The following OLFML3 variants were observed in gnomAD, a reference collection of about 807,000 sequenced individuals.
The protein encoded by OLFML3 is olfactomedin like 3.
OLFML3 carries 26 observed loss-of-function variants against 36.0 expected under a neutral mutation model. That is an observed-to-expected ratio of 0.72 (90% CI 0.53 to 1.00). The LOEUF (loss-of-function observed/expected upper bound fraction) is 1.00. Among genes scored for constraint, OLFML3 ranks in the 50% least tolerant of loss-of-function variants. OLFML3 has a pLI of 0.00. For missense variants in OLFML3, 503 were observed against 519.4 expected (o/e 0.97, Z 0.31); for synonymous variants, 184 against 201.2 (o/e 0.91, Z 0.72).
Position 113,980,496 on chromosome 1 carries a change from G to T in OLFML3, c.279G>T (p.Glu93Asp). 1 of 1,614,186 alleles carries T rather than the reference G, an allele frequency of 6.2e-7. No homozygotes were observed. Among genetic ancestry groups the T allele is most frequent in the Non-Finnish European group, 8.5e-7 (1 of 1,180,034 alleles). Residue 93 changes from glutamate to aspartate, a missense_variant, in exon 2 of 3, where the codon GAG (glutamate) becomes GAT (aspartate). Physicochemically the swap from Glu to Asp is conservative, Grantham distance 45. Transcript: ENST00000320334. ...GGAGAGTGGATCGTCTGGAGCGGGAGGTAGACTATCTGGAGACCCAGAACC... is the reference window on the plus strand; with the variant it reads ...GGAGAGTGGATCGTCTGGAGCGGGATGTAGACTATCTGGAGACCCAGAACC... ...ISGRVDRLEREVDYLETQNPA... is the reference protein window; with the variant it reads ...ISGRVDRLERDVDYLETQNPA...
At chr1:113,979,934 G>T (rs1558158916) in intron 1 of OLFML3, 3 of 1,428,418 alleles carry the variant, frequency 2.1e-6, no homozygotes, top group Non-Finnish European at 2.8e-6. Flanking sequence ...GTTGAAGTTG[G>T]AGGTTCCCGG....
rs565431025 is a variant in OLFML3, at chr1:113,979,940, C to T, written c.114+310C>T. On this transcript the variant is annotated intron_variant, in intron 1 of 2. Coordinates refer to ENST00000320334, the MANE Select transcript of OLFML3 (RefSeq NM_020190.5). ...GATGATTCTGTTGAAGTTGGAGGTT[C>T]CCGGGGAATCTATAACTTCCTGTCT... The T allele has an allele frequency of 1.0e-4, 146 of 1,427,646 alleles. 2 individuals carry two copies. The South Asian group carries it at 2.1e-3, about 21-fold the overall frequency. The allele number at this position is 1,427,646 out of a possible 1,614,324, so 88.4% of individuals were successfully genotyped here.
Position 113,981,254 on chromosome 1 carries a change from G to A in OLFML3, c.706G>A (p.Glu236Lys). ...AAGACCTGGTGGAGGTGGTGAGATG[G>A]AGAACACTTTGCAGCTAATCAAATT... ...PGRPGGGGEM[E>K]NTLQLIKFHL... Residue 236 changes from glutamate (E) to lysine (K), a missense_variant, in exon 3 of 3, where the codon GAG becomes AAG. Glu to Lys is a moderately conservative substitution (Grantham distance 56). Transcript: ENST00000320334. 1 of 1,612,898 alleles carries A rather than the reference G, an allele frequency of 6.2e-7. No individual in the cohort carries two copies. The highest frequency in any genetic ancestry group is 1.1e-5 in the South Asian group (1 of 90,870).
Position 113,980,457 on chromosome 1 carries a change from C to T in OLFML3, c.240C>T (p.Ala80=), listed in dbSNP as rs752973003. 22 of 1,613,808 alleles carry T rather than the reference C, an allele frequency of 1.4e-5. No individual in the cohort carries two copies. The highest frequency in any genetic ancestry group is 1.7e-5 in the Non-Finnish European group (20 of 1,179,970). The change falls in exon 2 of 3, where the codon GCC becomes GCT. Residue 80 remains alanine, a synonymous_variant. Coordinates refer to ENST00000320334, the MANE Select transcript of OLFML3 (RefSeq NM_020190.5). ...AGCGGGAGGCACTCAGAACTGAGGCCGACACCATCTCCGGGAGAGTGGATC... is the reference window on the plus strand; with the variant it reads ...AGCGGGAGGCACTCAGAACTGAGGCTGACACCATCTCCGGGAGAGTGGATC... ...EKEREALRTE[A]DTISGRVDRL...
At chr1:113,980,865 T>C in intron 2 of OLFML3, 84 bp from the exon 3 acceptor site, 1 of 1,237,814 alleles carries the variant, frequency 8.1e-7, no homozygotes, top group Non-Finnish European at 1.1e-6. Context: ...CTCACTATTC[T>C]CCAGATCACC....
Position 113,981,544 on chromosome 1 carries a change from T to C in OLFML3, c.996T>C (p.Tyr332=). 6.2e-7 allele frequency: 1 copy of C among 1,614,148 alleles called. No individual in the cohort carries two copies. Among genetic ancestry groups the C allele is most frequent in the Non-Finnish European group, 8.5e-7 (1 of 1,180,024 alleles). The change falls in exon 3 of 3, where the codon TAT becomes TAC. Residue 332 remains tyrosine (Y), a synonymous_variant. Transcript: ENST00000320334. ...EAAFVICGTL[Y]VVYNTRPASR... ...CCTTTGTCATCTGTGGGACCCTCTATGTCGTCTATAACACCCGTCCTGCCA... is the reference window on the plus strand; with the variant it reads ...CCTTTGTCATCTGTGGGACCCTCTACGTCGTCTATAACACCCGTCCTGCCA...
At position 113,981,421 on chromosome 1, in the gene OLFML3, G is replaced by A. The variant is rs1426795336; in HGVS notation, c.873G>A (p.Glu291=). ...EGLWAVYATR[E]DDRHLCLAKL... ...TTTGGGCTGTCTATGCCACCCGGGA[G>A]GATGACAGGCACTTGTGTCTGGCCA... is the stretch of plus-strand genomic sequence containing the variant. The change falls in exon 3 of 3, where the codon GAG becomes GAA. Residue 291 remains glutamate (E), a synonymous_variant. Coordinates refer to ENST00000320334, the MANE Select transcript of OLFML3 (RefSeq NM_020190.5). 1.2e-6 allele frequency: 2 copies of A among 1,613,010 alleles called. No homozygotes were observed. Among genetic ancestry groups the A allele is most frequent in the African/African-American group, 1.3e-5 (1 of 75,036 alleles).
In OLFML3 at chr1:113,980,384, G is replaced by A. The variant is rs140666123; in HGVS notation, c.167G>A (p.Arg56Gln). ...DQSSRHAAEL[R>Q]DFKNKMLPLL... Reference sequence around the variant, plus strand: ...AGTAGTCGGCATGCTGCTGAGCTGCGGGACTTCAAGAACAAGATGCTGCCA... The same window carrying A: ...AGTAGTCGGCATGCTGCTGAGCTGCAGGACTTCAAGAACAAGATGCTGCCA... The change falls in exon 2 of 3, where the codon CGG (arginine) becomes CAG (glutamine). Residue 56 changes from arginine (R) to glutamine (Q), a missense_variant. By Grantham distance (43) the Arg-to-Gln change is conservative (BLOSUM62 1). Coordinates refer to ENST00000320334, the MANE Select transcript of OLFML3 (RefSeq NM_020190.5). 6 of 1,599,940 alleles carry A rather than the reference G, an allele frequency of 3.8e-6. No individual in the cohort carries two copies. The highest frequency in any genetic ancestry group is 5.1e-6 in the Non-Finnish European group (6 of 1,172,774).
rs982230161 is a variant in OLFML3 at position 113,981,086 on chromosome 1, G to C, written c.538G>C (p.Ala180Pro). ...YVLDGTQNDT[A>P]FVFPRLRDFT... ...GTTAGATGGGACACAGAATGACACAGCCTTTGTCTTCCCAAGGCTGCGTGA... is the reference window on the plus strand; with the variant it reads ...GTTAGATGGGACACAGAATGACACACCCTTTGTCTTCCCAAGGCTGCGTGA... Residue 180 changes from alanine to proline, a missense_variant, in exon 3 of 3, where the codon GCC (alanine) becomes CCC (proline). Coordinates refer to ENST00000320334, the MANE Select transcript of OLFML3 (RefSeq NM_020190.5). 1 of 1,613,224 alleles carries C rather than the reference G, an allele frequency of 6.2e-7. No homozygotes were observed. The highest frequency in any genetic ancestry group is 2.2e-5 in the East Asian group (1 of 44,858).
At chr1:113,980,055 AC>A in intron 1 of OLFML3, 1 of 1,547,570 alleles carries the variant, frequency 6.5e-7, no homozygotes, top group South Asian at 1.2e-5. Context: ...ATGCGCTTAG[AC>A]CTGCCTAGAG....
In OLFML3 at chr1:113,981,029, G is replaced by T. The variant is rs766356216; in HGVS notation, c.481G>T (p.Asp161Tyr). The T allele has an allele frequency of 6.3e-7, 1 of 1,590,080 alleles. No individual in the cohort carries two copies. The highest frequency in any genetic ancestry group is 8.6e-7 in the Non-Finnish European group (1 of 1,167,052). Reference protein sequence around the residue: ...FGGPAGLWTKDPLGQTEKIYV... With the variant: ...FGGPAGLWTKYPLGQTEKIYV... ...TGGCCCAGCTGGTCTATGGACCAAG[G>T]ATCCACTGGGGCAAACAGAGAAGAT... Residue 161 changes from aspartate to tyrosine, a missense_variant, in exon 3 of 3, where the codon GAT becomes TAT. By Grantham distance (160) the Asp-to-Tyr change is radical (BLOSUM62 -3). Coordinates refer to ENST00000320334, the MANE Select transcript of OLFML3 (RefSeq NM_020190.5).
rs1212902141 is a variant in OLFML3 at position 113,981,537 on chromosome 1, C to T, written c.989C>T (p.Thr330Ile). The change falls in exon 3 of 3, where the codon ACC (threonine) becomes ATC (isoleucine). Residue 330 changes from threonine to isoleucine, a missense_variant. Transcript: ENST00000320334. ...NAEAAFVICGTLYVVYNTRPA... is the reference protein window; with the variant it reads ...NAEAAFVICGILYVVYNTRPA... ...GAGGCTGCCTTTGTCATCTGTGGGA[C>T]CCTCTATGTCGTCTATAACACCCGT... The T allele has an allele frequency of 6.2e-6, 10 of 1,613,928 alleles. No homozygotes were observed.
Position 113,979,616 on chromosome 1 carries a change from C to A in OLFML3, c.100C>A (p.Leu34Ile). The A allele has an allele frequency of 6.2e-7, 1 of 1,612,574 alleles. No individual in the cohort carries two copies. The highest frequency in any genetic ancestry group is 8.5e-7 in the Non-Finnish European group (1 of 1,178,516). The change falls in exon 1 of 3, where the codon CTA becomes ATA. Residue 34 changes from leucine to isoleucine, a missense_variant. Leu to Ile is a conservative substitution (Grantham distance 5). Coordinates refer to ENST00000320334, the MANE Select transcript of OLFML3 (RefSeq NM_020190.5). ...CCTTGTGGAGTACATGGAACGCCGA[C>A]TAGCTGCTTTAGAGGTGAGGGACCC... ...HHLVEYMERR[L>I]AALEERLAQC... is the part of the protein sequence containing the mutation.
rs1673413130 is a variant in OLFML3 at position 113,981,541 on chromosome 1, CTA to C, written c.995_996del (p.Tyr332CysfsTer4). 5 of 1,614,050 alleles carry C rather than the reference CTA, an allele frequency of 3.1e-6. No individual in the cohort carries two copies. The South Asian group carries it at 4.4e-5, about 14-fold the overall frequency. On this transcript the variant is annotated frameshift_variant, in exon 3 of 3. Transcript: ENST00000320334. LOFTEE classifies it high-confidence loss of function. ...CTGCCTTTGTCATCTGTGGGACCCT[CTA>C]TGTCGTCTATAACACCCGTCCTGCC... Reference protein sequence around the residue: ...EAAFVICGTLYVVYNTRPASR... With the variant: ...EAAFVICGTLXVVYNTRPASR...
rs945623305 is a variant in OLFML3 at position 113,981,505 on chromosome 1, G to A, written c.957G>A (p.Glu319=). The A allele has an allele frequency of 1.2e-6, 2 of 1,614,122 alleles. No homozygotes were observed. Among genetic ancestry groups the A allele is most frequent in the Admixed American group, 3.3e-5 (2 of 60,026 alleles). Residue 319 remains glutamate (E), a synonymous_variant, in exon 3 of 3, where the codon GAG becomes GAA. Transcript: ENST00000320334. ...AGTGGGACACACCATGTCCCAGAGA[G>A]AATGCTGAGGCTGCCTTTGTCATCT... ...EQQWDTPCPR[E]NAEAAFVICG...
In OLFML3 at chr1:113,980,504, A is replaced by G. The variant is rs202203905; in HGVS notation, c.287A>G (p.Tyr96Cys). ...GATCGTCTGGAGCGGGAGGTAGACT[A>G]TCTGGAGACCCAGAACCCAGCTCTG... ...RVDRLEREVD[Y>C]LETQNPALPC... Residue 96 changes from tyrosine (Y) to cysteine (C), a missense_variant, in exon 2 of 3, where the codon TAT (tyrosine) becomes TGT (cysteine). Tyr to Cys is a radical substitution (Grantham distance 194). Transcript: ENST00000320334. 4.3e-6 allele frequency: 7 copies of G among 1,614,142 alleles called. No homozygotes were observed. The Admixed American group carries it at 8.3e-5, about 19-fold the overall frequency.
Position 113,979,537 on chromosome 1 carries a change from C to T in OLFML3, c.21C>T (p.Leu7=). 1 of 1,614,096 alleles carries T rather than the reference C, an allele frequency of 6.2e-7. No individual in the cohort carries two copies. Among genetic ancestry groups the T allele is most frequent in the Non-Finnish European group, 8.5e-7 (1 of 1,179,940 alleles). The change falls in exon 1 of 3, where the codon CTC becomes CTT. Residue 7 remains leucine, a synonymous_variant. Transcript: ENST00000320334. The part of the protein sequence containing the change: MGPSTP[L]LILFLLSWSG... Reference sequence around the variant, plus strand: ...CTGCCATGGGGCCCAGCACCCCTCTCCTCATCTTGTTCCTTTTGTCATGGT... The same window carrying T: ...CTGCCATGGGGCCCAGCACCCCTCTTCTCATCTTGTTCCTTTTGTCATGGT...
chr1:113,981,507 A>G lies in OLFML3; in HGVS notation c.959A>G (p.Asn320Ser), dbSNP rs1425777787. Reference sequence around the variant, plus strand: ...TGGGACACACCATGTCCCAGAGAGAATGCTGAGGCTGCCTTTGTCATCTGT... The same window carrying G: ...TGGGACACACCATGTCCCAGAGAGAGTGCTGAGGCTGCCTTTGTCATCTGT... ...QQWDTPCPRE[N>S]AEAAFVICGT... The change falls in exon 3 of 3, where the codon AAT (asparagine) becomes AGT (serine). Residue 320 changes from asparagine to serine, a missense_variant. Physicochemically the swap from Asn to Ser is conservative, Grantham distance 46. Transcript: ENST00000320334. The G allele has an allele frequency of 2.5e-6, 4 of 1,614,078 alleles. No individual in the cohort carries two copies. Among genetic ancestry groups the G allele is most frequent in the Non-Finnish European group, 8.5e-7 (1 of 1,179,998 alleles).
chr1:113,979,730 G>C, intron 1 of OLFML3, 100 bp downstream of exon 1: 1 of 932,818 alleles, frequency 1.1e-6, no homozygotes, highest in South Asian at 1.5e-5. Flanking sequence ...AAAGGGCTCT[G>C]TTAGAGTCTA....
Sources: allele counts gnomAD v4.1 joint callset, GRCh38; gene constraint gnomAD v4.1.1; transcripts MANE v1.5; gene names NCBI Gene and HGNC (gene_info 2026-07-23, HGNC 2026-07-21).